The following ZFAND3 variants were observed in gnomAD, a reference collection of about 807,000 sequenced individuals.
ZFAND3 encodes the protein AN1-type zinc finger protein 3.
A neutral mutation model predicts 29.6 loss-of-function variants in ZFAND3; 10 were observed. The observed-to-expected ratio is 0.34, with a 90% confidence interval of 0.21 to 0.57. ZFAND3 has a LOEUF of 0.57. Ranked by LOEUF, ZFAND3 falls within the 20% of genes least tolerant of loss-of-function variation. The probability of loss-of-function intolerance (pLI) is 0.86; values close to 1 mark genes in which losing one functional copy is unlikely to be tolerated. For missense variants in ZFAND3, 230 were observed against 304.5 expected (o/e 0.76, Z 1.82); for synonymous variants, 128 against 112.6 (o/e 1.14, Z -0.87).
At chr6:38,006,911 A>G (rs909779503) in intron 2 of ZFAND3, among the ~76,000 whole-genome samples, 6 of 152,140 alleles carry the variant, frequency 3.9e-5, no homozygotes, top group African/African-American at 1.4e-4. Flanking sequence ...AAGGGCCACA[A>G]GTGGTTCCAA....
intron 2 of ZFAND3, among the ~76,000 whole-genome samples, chr6:37,997,934 A>T (rs917705483): frequency 6.6e-6 from 1 of 152,136 alleles, no homozygotes; most frequent in African/African-American, 2.4e-5. Context: ...GAATTGGAAG[A>T]TTGTTCAGGA....
intron 2 of ZFAND3, among the ~76,000 whole-genome samples, chr6:37,953,283 T>C (rs1036934388): frequency 6.6e-6 from 1 of 151,510 alleles, no homozygotes; most frequent in Non-Finnish European, 1.5e-5. Flanking sequence ...TATTAATGAT[T>C]AGGCTAGGGT....
At chr6:37,917,602 G>A (rs974407840) in intron 1 of ZFAND3, among the ~76,000 whole-genome samples, 3 of 152,144 alleles carry the variant, frequency 2.0e-5, no homozygotes, top group Non-Finnish European at 2.9e-5. Context: ...TTTGCTGGGG[G>A]TTATAACCAG....
intron 2 of ZFAND3, among the ~76,000 whole-genome samples, chr6:37,935,578 T>G (rs1761683808): frequency 6.6e-6 from 1 of 152,206 alleles, no homozygotes; most frequent in Non-Finnish European, 1.5e-5. Flanking sequence ...CTGAGTAGAA[T>G]AGAAAATATC....
At chr6:37,915,206 A>G (rs1475937979) in intron 1 of ZFAND3, among the ~76,000 whole-genome samples, 1 of 152,112 alleles carries the variant, frequency 6.6e-6, no homozygotes, top group Non-Finnish European at 1.5e-5. Flanking sequence ...CTCAGCCTTT[A>G]TAGAATTGAA....
chr6:38,035,176 G>A (rs1189548944), intron 2 of ZFAND3, among the ~76,000 whole-genome samples: 1 of 152,016 alleles, frequency 6.6e-6, no homozygotes, highest in Non-Finnish European at 1.5e-5. Flanking sequence ...GTGAACTATA[G>A]CTGAAGTGTG....
In ZFAND3 at chr6:38,133,541, A is replaced by G. The variant is rs557822695; in HGVS notation, c.529+16802A>G. Among the ~76,000 whole-genome samples the G allele has an allele frequency of 3.3e-5, 5 of 152,206 alleles. No individual in the cohort carries two copies. In the East Asian group the frequency reaches 9.7e-4, roughly 29 times the overall value. On this transcript the variant is annotated intron_variant, in intron 5 of 5. Coordinates refer to ENST00000287218, the MANE Select transcript of ZFAND3 (RefSeq NM_021943.3). ...GAGGCGGGCGGATCATGAGGTCAAG[A>G]GATCAAGACCGTCCTGGCTAACATG...
chr6:37,910,810 T>G (rs1466354266), intron 1 of ZFAND3, among the ~76,000 whole-genome samples: 13 of 152,226 alleles, frequency 8.5e-5, no homozygotes, highest in African/African-American at 2.2e-4. Context: ...TGTCATTCGG[T>G]GTCTGGCTTA....
At chr6:37,906,982 G>A (rs6935356) in intron 1 of ZFAND3, among the ~76,000 whole-genome samples, 236 of 151,792 alleles carry the variant, frequency 1.6e-3, no homozygotes, top group African/African-American at 5.2e-3. Context: ...AATTTATTTC[G>A]GAATATAAAA....
intron 2 of ZFAND3, among the ~76,000 whole-genome samples, chr6:38,037,426 A>AT (rs1763680180): frequency 6.6e-6 from 1 of 152,214 alleles, no homozygotes; most frequent in Non-Finnish European, 1.5e-5. Context: ...ATGACTGCTA[A>AT]TTTAACAAGC....
chr6:37,860,530 C>T (rs1402490787), intron 1 of ZFAND3, among the ~76,000 whole-genome samples: 1 of 151,614 alleles, frequency 6.6e-6, no homozygotes. Flanking sequence ...GTAGAAGTGG[C>T]TAAAGTTATA....
intron 5 of ZFAND3, among the ~76,000 whole-genome samples, chr6:38,141,155 T>G (rs1765946469): frequency 6.6e-6 from 1 of 152,210 alleles, no homozygotes; most frequent in Non-Finnish European, 1.5e-5. Flanking sequence ...TTAGAGAAAC[T>G]TCATTCTTAA....
At chr6:37,995,507 T>A (rs1264441761) in intron 2 of ZFAND3, among the ~76,000 whole-genome samples, 1 of 152,192 alleles carries the variant, frequency 6.6e-6, no homozygotes, top group African/African-American at 2.4e-5. Flanking sequence ...ATTATTAACA[T>A]GCAGTGATCA....
intron 1 of ZFAND3, among the ~76,000 whole-genome samples, chr6:37,861,463 G>C (rs572577492): frequency 6.6e-6 from 1 of 151,996 alleles, no homozygotes; most frequent in African/African-American, 2.4e-5. Flanking sequence ...AAAAAGACGA[G>C]TAGGAAATTA....
At chr6:37,974,633 C>T (rs1051124013) in intron 2 of ZFAND3, among the ~76,000 whole-genome samples, 3 of 151,992 alleles carry the variant, frequency 2.0e-5, no homozygotes, top group Admixed American at 6.6e-5. Context: ...TGGGCTCAAG[C>T]GATTGTCCCA....
intron 1 of ZFAND3, among the ~76,000 whole-genome samples, chr6:37,832,375 A>G (rs897982430): frequency 6.6e-6 from 1 of 152,214 alleles, no homozygotes; most frequent in Non-Finnish European, 1.5e-5. Context: ...TCTTTCACTT[A>G]CAAACTCTAG....
At chr6:37,995,833 A>G (rs1411084027) in intron 2 of ZFAND3, among the ~76,000 whole-genome samples, 1 of 152,202 alleles carries the variant, frequency 6.6e-6, no homozygotes, top group Admixed American at 6.5e-5. Context: ...GAAATTTAAA[A>G]CAGTGAGACT....
chr6:38,067,205 C>T (rs1029814366), intron 3 of ZFAND3, among the ~76,000 whole-genome samples: 3 of 152,144 alleles, frequency 2.0e-5, no homozygotes, highest in African/African-American at 7.2e-5. Flanking sequence ...AAAGTTGGCC[C>T]TCCATATATG....
intron 2 of ZFAND3, among the ~76,000 whole-genome samples, chr6:37,956,349 G>C (rs1467352143): frequency 6.6e-6 from 1 of 152,202 alleles, no homozygotes; most frequent in Non-Finnish European, 1.5e-5. Context: ...AGGTGCTGCA[G>C]TGGTCTGTGG....
Sources: allele counts gnomAD v4.1 joint callset (sites outside exome capture counted in the v4.1 genomes callset), GRCh38; gene constraint gnomAD v4.1.1; transcripts MANE v1.5; gene names NCBI Gene and HGNC (gene_info 2026-07-23, HGNC 2026-07-21).